GLCCI1: variants seen among roughly 807,000 people sequenced by gnomAD.
GLCCI1 encodes glucocorticoid-induced transcript 1 protein.
GLCCI1 carries 24 observed loss-of-function variants against 52.2 expected under a neutral mutation model. That is an observed-to-expected ratio of 0.46 (90% confidence interval 0.33 to 0.65). GLCCI1 has a LOEUF of 0.65. GLCCI1 is among the 30% of genes least tolerant of loss of function. The pLI, the probability that GLCCI1 is intolerant of heterozygous loss-of-function variation, is 0.02. For missense variants in GLCCI1, 704 were observed against 701.5 expected, an observed-to-expected ratio of 1.00 and a Z score of -0.04; for synonymous variants, 310 against 276.5, an observed-to-expected ratio of 1.12 and a Z score of -1.20.
chr7:7,988,419 G>A (rs1333994806), intron 1 of GLCCI1, among the ~76,000 whole-genome samples: 1 of 152,110 alleles, frequency 6.6e-6, no homozygotes, highest in East Asian at 1.9e-4. Context: ...TGGGAGTCCT[G>A]ACCATCCTTT....
intron 2 of GLCCI1, among the ~76,000 whole-genome samples, chr7:8,008,100 T>G (rs947995772): frequency 1.6e-5 from 2 of 123,236 alleles, no homozygotes; most frequent in African/African-American, 5.8e-5. Flanking sequence ...ACACTTAAAA[T>G]CTACTCTCTT....
chr7:8,006,091 C>G (rs541364911), intron 2 of GLCCI1, among the ~76,000 whole-genome samples: 95 of 152,302 alleles, frequency 6.2e-4, no homozygotes, highest in Admixed American at 1.0e-3. Context: ...CGCCACCACT[C>G]CTGGCCCAGA....
intron 3 of GLCCI1, among the ~76,000 whole-genome samples, chr7:8,040,525 AACAC>A (rs58561376): frequency 0.41 from 59,183 of 145,064 alleles, 12,019 homozygotes; most frequent in Middle Eastern, 0.49. Context: ...AGATATAATT[AACAC>A]ACACACACAC....
chr7:8,071,000 A>C lies in GLCCI1; in HGVS notation c.1046A>C (p.Gln349Pro). The C allele has an allele frequency of 6.2e-7, 1 of 1,614,150 alleles. No homozygotes were observed. Among genetic ancestry groups the C allele is most frequent in the Non-Finnish European group, 8.5e-7 (1 of 1,180,012 alleles). The change falls in exon 6 of 8, where the codon CAG becomes CCG. Residue 349 changes from glutamine to proline, a missense_variant. Physicochemically the swap from Gln to Pro is moderately conservative, Grantham distance 76. Coordinates refer to ENST00000223145, the MANE Select transcript of GLCCI1 (RefSeq NM_138426.4). ...RSSSTRSIDTQTPSVQERSSS... is the reference protein window; with the variant it reads ...RSSSTRSIDTPTPSVQERSSS... Reference sequence around the variant, plus strand: ...AGTAGTACTCGCAGCATTGACACTCAGACTCCTTCTGTCCAGGAGCGCAGC... The same window carrying C: ...AGTAGTACTCGCAGCATTGACACTCCGACTCCTTCTGTCCAGGAGCGCAGC...
chr7:7,989,740 T>A (rs1780803040), intron 1 of GLCCI1, among the ~76,000 whole-genome samples: 1 of 152,158 alleles, frequency 6.6e-6, no homozygotes, highest in African/African-American at 2.4e-5. Flanking sequence ...AATGAAAATA[T>A]GACAACATTC....
chr7:7,997,731 C>G (rs1780962264), intron 1 of GLCCI1, among the ~76,000 whole-genome samples: 1 of 151,988 alleles, frequency 6.6e-6, no homozygotes, highest in African/African-American at 2.4e-5. Context: ...AATTCAAGAC[C>G]AGCCTGGCCA....
At chr7:8,079,713 C>G (rs778957019) in intron 6 of GLCCI1, among the ~76,000 whole-genome samples, 2 of 151,350 alleles carry the variant, frequency 1.3e-5, no homozygotes, top group Non-Finnish European at 2.9e-5. Flanking sequence ...CAATTTAATT[C>G]ATACTTATGG....
At chr7:8,056,744 C>G (rs1234442830) in intron 4 of GLCCI1, among the ~76,000 whole-genome samples, 1 of 152,102 alleles carries the variant, frequency 6.6e-6, no homozygotes, top group East Asian at 1.9e-4. Context: ...AACTCAGTAT[C>G]TTGTGATTAA....
At chr7:8,067,587 C>T (rs938993384) in intron 5 of GLCCI1, among the ~76,000 whole-genome samples, 2 of 152,082 alleles carry the variant, frequency 1.3e-5, no homozygotes, top group Non-Finnish European at 2.9e-5. Context: ...ATTCTCTTAC[C>T]ATTTGCTTGT....
At chr7:7,986,387 G>A (rs1037400181) in intron 1 of GLCCI1, among the ~76,000 whole-genome samples, 1 of 151,686 alleles carries the variant, frequency 6.6e-6, no homozygotes, top group Non-Finnish European at 1.5e-5. Context: ...GGGGAGGGGG[G>A]GGTGGCAGGC....
intron 3 of GLCCI1, among the ~76,000 whole-genome samples, chr7:8,042,599 T>C (rs1455383842): frequency 6.6e-6 from 1 of 152,198 alleles, no homozygotes; most frequent in East Asian, 1.9e-4. Context: ...GCCCAGGAGT[T>C]TGAGACCAGG....
intron 2 of GLCCI1, among the ~76,000 whole-genome samples, chr7:8,020,855 T>C (rs138598454): frequency 2.0e-4 from 31 of 152,324 alleles, no homozygotes; most frequent in South Asian, 1.4e-3. Flanking sequence ...TTGGAATAAA[T>C]TCATTATTAA....
intron 2 of GLCCI1, among the ~76,000 whole-genome samples, chr7:8,010,486 C>T (rs977202323): frequency 3.3e-5 from 5 of 152,162 alleles, no homozygotes; most frequent in African/African-American, 1.2e-4. Context: ...AATCTCTGTG[C>T]TTCTCAGTTC....
intron 1 of GLCCI1, among the ~76,000 whole-genome samples, chr7:7,993,063 A>C (rs1349920456): frequency 2.0e-5 from 3 of 152,158 alleles, no homozygotes; most frequent in African/African-American, 7.2e-5. Context: ...TTATGTGAGC[A>C]TGTCTTTCTG....
At chr7:8,084,076 A>T (rs530726332) in intron 6 of GLCCI1, among the ~76,000 whole-genome samples, 4 of 152,252 alleles carry the variant, frequency 2.6e-5, no homozygotes, top group Non-Finnish European at 5.9e-5. Context: ...TTGTATACAA[A>T]CATGTCACTG....
intron 6 of GLCCI1, 46 bp from the exon 7 acceptor site, chr7:8,084,851 A>T (rs1783069597): frequency 6.2e-7 from 1 of 1,603,632 alleles, no homozygotes; most frequent in East Asian, 2.2e-5. Flanking sequence ...ATCAAATTTA[A>T]AAGAGCTTTC....
At chr7:8,052,622 A>C (rs924650448) in intron 3 of GLCCI1, among the ~76,000 whole-genome samples, 1 of 152,238 alleles carries the variant, frequency 6.6e-6, no homozygotes, top group East Asian at 1.9e-4. Context: ...GCCTTGGGGC[A>C]GGAGTGGCAT....
At chr7:8,051,805 C>T (rs1362475090) in intron 3 of GLCCI1, among the ~76,000 whole-genome samples, 1 of 152,090 alleles carries the variant, frequency 6.6e-6, no homozygotes, top group African/African-American at 2.4e-5. Context: ...AGTCTTTTGC[C>T]TACTATTAGA....
intron 2 of GLCCI1, among the ~76,000 whole-genome samples, chr7:8,014,814 G>T (rs371868465): frequency 6.6e-6 from 1 of 152,260 alleles, no homozygotes; most frequent in East Asian, 1.9e-4. Context: ...TGAGAGATGG[G>T]ATGGTTAGAT....
Sources: allele counts gnomAD v4.1 joint callset (sites outside exome capture counted in the v4.1 genomes callset), GRCh38; gene constraint gnomAD v4.1.1; transcripts MANE v1.5; gene names NCBI Gene and HGNC (gene_info 2026-07-23, HGNC 2026-07-21).